Variants in PLA2G4B observed in about 807,000 individuals in gnomAD.
PLA2G4B encodes phospholipase A2 group IVB, also known as cytosolic phospholipase A2 beta.
In PLA2G4B, 122 loss-of-function variants were observed where a neutral mutation model predicts 95.8. That is an observed-to-expected ratio of 1.27 (90% CI 1.10 to 1.48). PLA2G4B has a LOEUF of 1.48. PLA2G4B is among the 40% of genes most tolerant of loss of function. The pLI, the probability that PLA2G4B is intolerant of heterozygous loss-of-function variation, is 0.00. For missense variants in PLA2G4B, 1,158 were observed against 996.2 expected (o/e 1.16, Z -2.19); for synonymous variants, 518 against 421.5 (o/e 1.23, Z -2.80).
At chr15:41,842,006 ACCT>A (rs1466619165) in intron 8 of PLA2G4B, 57 bp downstream of exon 8, 1 of 1,577,454 alleles carries the variant, frequency 6.3e-7, no homozygotes, top group Non-Finnish European at 8.6e-7. Context: ...CTCCCTCTGC[ACCT>A]CCTCCCAGTC....
intron 1 of PLA2G4B, 47 bp downstream of exon 1, chr15:41,838,969 T>TAGAG: frequency 6.8e-7 from 1 of 1,475,578 alleles, no homozygotes; most frequent in Non-Finnish European, 9.3e-7. Context: ...CCCTGGTCTC[T>TAGAG]ACCTGGGGCC....
In PLA2G4B at chr15:41,845,318, G is replaced by T. The variant is rs543247846; in HGVS notation, c.1355G>T (p.Gly452Val). Reference sequence around the variant, plus strand: ...CAGAGCCTGACCACTTTTGAATTTGGGGGTGAGTGGCCCAAGAGCTGAGAC... The same window carrying T: ...CAGAGCCTGACCACTTTTGAATTTGTGGGTGAGTGGCCCAAGAGCTGAGAC... ...KGQSLTTFEF[G>V]EWCEFSPYEV... Residue 452 changes from glycine to valine, a missense_variant and splice_region_variant, in exon 14 of 20, where the codon GGG becomes GTG. Coordinates refer to ENST00000458483, the MANE Select transcript of PLA2G4B (RefSeq NM_001114633.2). The T allele has an allele frequency of 3.4e-4, 549 of 1,613,782 alleles. 3 individuals are homozygous for T. In the South Asian group the frequency reaches 5.6e-3, roughly 16 times the overall value.
Position 41,847,452 on chromosome 15 carries a change from C to T in PLA2G4B, c.2063C>T (p.Thr688Ile), listed in dbSNP as rs2065585228. Residue 688 changes from threonine to isoleucine, a missense_variant, in exon 19 of 20, where the codon ACC becomes ATC. Thr to Ile is a moderately conservative substitution (Grantham distance 89). Coordinates refer to ENST00000458483, the MANE Select transcript of PLA2G4B (RefSeq NM_001114633.2). ...PRECHTFSDP[T>I]CPGAPAVLHF... ...GAGTGCCACACCTTCTCCGACCCCA[C>T]CTGCCCCGGAGCCCCTGCGGTGCTG... is the stretch of plus-strand genomic sequence containing the variant. 1.2e-6 allele frequency: 2 copies of T among 1,613,418 alleles called. No individual in the cohort carries two copies. The highest frequency in any genetic ancestry group is 2.2e-5 in the East Asian group (1 of 44,878).
At position 41,848,021 on chromosome 15, in the gene PLA2G4B, C is replaced by T; in HGVS notation, c.*161C>T. 9.9e-7 allele frequency: 1 copy of T among 1,008,516 alleles called. No homozygotes were observed. The highest frequency in any genetic ancestry group is 1.4e-6 in the Non-Finnish European group (1 of 707,052). The allele number at this position is 1,008,516 out of a possible 1,614,324, so 62.5% of individuals were successfully genotyped here. ...AGCTCCCTTGCGCCTCAGCAGTTTGCAGTGGGGTAAGGAGGCCAAGCCCAT... is the reference window on the plus strand; with the variant it reads ...AGCTCCCTTGCGCCTCAGCAGTTTGTAGTGGGGTAAGGAGGCCAAGCCCAT... On this transcript the variant is annotated 3_prime_UTR_variant, in exon 20 of 20. Coordinates refer to ENST00000458483, the MANE Select transcript of PLA2G4B (RefSeq NM_001114633.2).
intron 9 of PLA2G4B, 112 bp downstream of exon 9, chr15:41,842,388 TG>T: frequency 6.4e-7 from 1 of 1,551,350 alleles, no homozygotes; most frequent in Non-Finnish European, 8.7e-7. Context: ...GAGCAGGTGC[TG>T]GGGCCAGGCT....
chr15:41,840,235 G>T lies in PLA2G4B; in HGVS notation c.82+5G>T. On this transcript the variant is annotated splice_donor_5th_base_variant and intron_variant, in intron 2 of 19. Coordinates refer to ENST00000458483, the MANE Select transcript of PLA2G4B (RefSeq NM_001114633.2). ...GCCTACCCTCTAAGGACCTAGGTGA[G>T]TGCGCACCGCCCTGGCCCCTGTGCT... 1 of 1,612,790 alleles carries T rather than the reference G, an allele frequency of 6.2e-7. No homozygotes were observed. The highest frequency in any genetic ancestry group is 8.5e-7 in the Non-Finnish European group (1 of 1,180,004).
Position 41,847,431 on chromosome 15 carries a change from GCCACACCTTCTCCGA to G in PLA2G4B, c.2045_2059del (p.His682_Asp686del), listed in dbSNP as rs749924273. 6.2e-7 allele frequency: 1 copy of G among 1,613,462 alleles called. No homozygotes were observed. Among genetic ancestry groups the G allele is most frequent in the Non-Finnish European group, 8.5e-7 (1 of 1,179,926 alleles). On this transcript the variant is annotated inframe_deletion, in exon 19 of 20. Transcript: ENST00000458483. Reference sequence around the variant, plus strand: ...GAAGAGCAGCTCCAGCCTCGGGAGTGCCACACCTTCTCCGACCCCACCTGCCCCGGAGCCCCTGCG... The same window carrying G: ...GAAGAGCAGCTCCAGCCTCGGGAGTGCCCCACCTGCCCCGGAGCCCCTGCG...
In PLA2G4B at chr15:41,846,658, C is replaced by A; in HGVS notation, c.1781-11C>A. 1 of 1,598,768 alleles carries A rather than the reference C, an allele frequency of 6.3e-7. No individual in the cohort carries two copies. Among genetic ancestry groups the A allele is most frequent in the Non-Finnish European group, 8.5e-7 (1 of 1,169,746 alleles). ...TATCTGTGACAATTGCTGCTCTCCCCAACCTTCCAGCTACCACTCTGGATG... is the reference window on the plus strand; with the variant it reads ...TATCTGTGACAATTGCTGCTCTCCCAAACCTTCCAGCTACCACTCTGGATG... On this transcript the variant is annotated splice_polypyrimidine_tract_variant and intron_variant, in intron 17 of 19. Coordinates refer to ENST00000458483, the MANE Select transcript of PLA2G4B (RefSeq NM_001114633.2).
Position 41,845,282 on chromosome 15 carries a change from A to G in PLA2G4B, c.1319A>G (p.Asn440Ser), listed in dbSNP as rs1382708253. The change falls in exon 14 of 20, where the codon AAC (asparagine) becomes AGC (serine). Residue 440 changes from asparagine (N) to serine (S), a missense_variant. Transcript: ENST00000458483. ...CCTCTGCCCATCTACTGTGCCCTCA[A>G]CACCAAAGGGCAGAGCCTGACCACT... Reference protein sequence around the residue: ...QNPLPIYCALNTKGQSLTTFE... With the variant: ...QNPLPIYCALSTKGQSLTTFE... 3.1e-6 allele frequency: 5 copies of G among 1,614,022 alleles called. No homozygotes were observed. Among genetic ancestry groups the G allele is most frequent in the South Asian group, 1.1e-5 (1 of 91,078 alleles).
chr15:41,845,680 A>G lies in PLA2G4B; in HGVS notation c.1400A>G (p.Tyr467Cys). The change falls in exon 15 of 20, where the codon TAC becomes TGC. Residue 467 changes from tyrosine to cysteine, a missense_variant. By Grantham distance (194) the Tyr-to-Cys change is radical (BLOSUM62 -2). Coordinates refer to ENST00000458483, the MANE Select transcript of PLA2G4B (RefSeq NM_001114633.2). ...FSPYEVGFPK[Y>C]GAFIPSELFG... ...CCCTACGAGGTCGGCTTCCCCAAGTACGGGGCCTTCATCCCCTCTGAGCTC... is the reference window on the plus strand; with the variant it reads ...CCCTACGAGGTCGGCTTCCCCAAGTGCGGGGCCTTCATCCCCTCTGAGCTC... 1.2e-6 allele frequency: 2 copies of G among 1,614,102 alleles called. No individual in the cohort carries two copies. Among genetic ancestry groups the G allele is most frequent in the South Asian group, 1.1e-5 (1 of 91,078 alleles).
intron 12 of PLA2G4B, 66 bp from the exon 13 acceptor site, chr15:41,844,782 G>A: frequency 1.8e-5 from 28 of 1,540,250 alleles, no homozygotes; most frequent in Non-Finnish European, 2.3e-5. Flanking sequence ...GAAAGCCCGG[G>A]GCACGTGGGG....
In PLA2G4B at chr15:41,847,953, G is replaced by C; in HGVS notation, c.*93G>C. On this transcript the variant is annotated 3_prime_UTR_variant, in exon 20 of 20. Transcript: ENST00000458483. ...TCATCACGCAGTGCTTCAGAGCCTC[G>C]GGCTCAGGTGGCACGGTCCCAGGGT... 2.7e-6 allele frequency: 4 copies of C among 1,473,676 alleles called. No homozygotes were observed. Among genetic ancestry groups the C allele is most frequent in the Non-Finnish European group, 3.6e-6 (4 of 1,105,554 alleles). 91.3% of individuals were successfully genotyped at this position (1,473,676 alleles called of 1,614,324 possible).
intron 17 of PLA2G4B, 108 bp downstream of exon 17, chr15:41,846,490 T>A: frequency 6.6e-7 from 1 of 1,518,804 alleles, no homozygotes; most frequent in Non-Finnish European, 8.9e-7. Context: ...CTTGATTCCC[T>A]GGACTACTTG....
At position 41,847,988 on chromosome 15, in the gene PLA2G4B, G is replaced by C. The variant is rs1042141155; in HGVS notation, c.*128G>C. Reference sequence around the variant, plus strand: ...GGCACGGTCCCAGGGTCCAGGCTGAGGGCTGGGAGCTCCCTTGCGCCTCAG... The same window carrying C: ...GGCACGGTCCCAGGGTCCAGGCTGACGGCTGGGAGCTCCCTTGCGCCTCAG... On this transcript the variant is annotated 3_prime_UTR_variant, in exon 20 of 20. Transcript: ENST00000458483. 4.6e-6 allele frequency: 6 copies of C among 1,290,848 alleles called. No homozygotes were observed. In the East Asian group the frequency reaches 1.3e-4, roughly 27 times the overall value. 80.0% of individuals were successfully genotyped at this position (1,290,848 alleles called of 1,614,324 possible). A position where few individuals can be genotyped will look rare whatever the true frequency, so the allele number is the denominator to read the frequency against.
At position 41,841,934 on chromosome 15, in the gene PLA2G4B, G is replaced by T; in HGVS notation, c.606G>T (p.Leu202=). Residue 202 remains leucine (L), a synonymous_variant, in exon 8 of 20, where the codon CTG becomes CTT. Coordinates refer to ENST00000458483, the MANE Select transcript of PLA2G4B (RefSeq NM_001114633.2). ...FHCPACWEQE[L]SIRLQDAPEE... ...GCCCAGCCTGCTGGGAGCAGGAGCT[G>T]AGTATTCGCCTGCAGGTAGTGTGCC... The T allele has an allele frequency of 6.2e-7, 1 of 1,612,450 alleles. No individual in the cohort carries two copies.
Position 41,847,720 on chromosome 15 carries a change from T to G in PLA2G4B, c.2206T>G (p.Tyr736Asp). 1 of 1,612,812 alleles carries G rather than the reference T, an allele frequency of 6.2e-7. No homozygotes were observed. Among genetic ancestry groups the G allele is most frequent in the Non-Finnish European group, 8.5e-7 (1 of 1,180,036 alleles). ...NLSSSDSPYH[Y>D]TKVTYSQEDV... ...GTCTTCATCGGACTCTCCCTACCAC[T>G]ACACGAAGGTGACCTACAGCCAGGA... The change falls in exon 20 of 20, where the codon TAC (tyrosine) becomes GAC (aspartate). Residue 736 changes from tyrosine (Y) to aspartate (D), a missense_variant. Transcript: ENST00000458483.
At position 41,847,523 on chromosome 15, in the gene PLA2G4B, G is replaced by A; in HGVS notation, c.2134G>A (p.Gly712Arg). ...CTCCTTCCGGGAGTACTCGGCCCCT[G>A]GTGAGCTGCTGTTCACCTCCCCATC... Reference protein sequence around the residue: ...SDSFREYSAPGVRRTPEEAAA... With the variant: ...SDSFREYSAPRVRRTPEEAAA... The change falls in exon 19 of 20, where the codon GGG (glycine) becomes AGG (arginine). Residue 712 changes from glycine to arginine, a missense_variant and splice_region_variant. Transcript: ENST00000458483. 2 of 1,603,282 alleles carry A rather than the reference G, an allele frequency of 1.2e-6. No homozygotes were observed. The highest frequency in any genetic ancestry group is 1.7e-6 in the Non-Finnish European group (2 of 1,172,314).
chr15:41,847,438 CT>C lies in PLA2G4B; in HGVS notation c.2051del (p.Phe684SerfsTer42), dbSNP rs757990502. 1.9e-6 allele frequency: 3 copies of C among 1,613,540 alleles called. No individual in the cohort carries two copies. The highest frequency in any genetic ancestry group is 2.7e-5 in the African/African-American group (2 of 75,036). ...EQLQPRECHT[F>X]SDPTCPGAPA... is the part of the protein sequence containing the mutation. ...AGCTCCAGCCTCGGGAGTGCCACAC[CT>C]TCTCCGACCCCACCTGCCCCGGAGC... On this transcript the variant is annotated frameshift_variant, in exon 19 of 20. Transcript: ENST00000458483. LOFTEE classifies it high-confidence loss of function.
Position 41,846,266 on chromosome 15 carries a change from A to C in PLA2G4B, c.1664A>C (p.Glu555Ala), listed in dbSNP as rs775457428. ...CCCTCAACAGCCGGCAGGATAGCTGAGTTTTTCACCGATCTTCTGACGTGG... is the reference window on the plus strand; with the variant it reads ...CCCTCAACAGCCGGCAGGATAGCTGCGTTTTTCACCGATCTTCTGACGTGG... ...EPPSTAGRIA[E>A]FFTDLLTWRP... Residue 555 changes from glutamate to alanine, a missense_variant, in exon 17 of 20, where the codon GAG (glutamate) becomes GCG (alanine). By Grantham distance (107) the Glu-to-Ala change is moderately radical. Coordinates refer to ENST00000458483, the MANE Select transcript of PLA2G4B (RefSeq NM_001114633.2). The C allele has an allele frequency of 1.2e-6, 2 of 1,614,076 alleles. No homozygotes were observed. Among genetic ancestry groups the C allele is most frequent in the Admixed American group, 3.3e-5 (2 of 60,030 alleles).
Sources: gnomAD v4.1 joint callset for allele counts on GRCh38, gnomAD v4.1.1 for gene constraint, MANE v1.5 for transcripts, NCBI Gene and HGNC (gene_info 2026-07-23, HGNC 2026-07-21) for gene names.